Variants in NR3C1 observed in about 807,000 individuals in gnomAD.
NR3C1 encodes the protein glucocorticoid receptor.
In NR3C1, 14 loss-of-function variants were observed where a neutral mutation model predicts 74.0. That is an observed-to-expected ratio of 0.19 (90% CI 0.12 to 0.30). The LOEUF is 0.30. NR3C1 is among the 10% of genes least tolerant of loss of function. The pLI is 1.00. For missense variants in NR3C1, 695 were observed against 909.8 expected, an observed-to-expected ratio of 0.76 and a Z score of 3.04; for synonymous variants, 308 against 332.5, an observed-to-expected ratio of 0.93 and a Z score of 0.80.
chr5:143,374,310 G>A (rs889434744), intron 2 of NR3C1, among the ~76,000 whole-genome samples: 1 of 152,110 alleles, frequency 6.6e-6, no homozygotes. Context: ...GGCTAACACA[G>A]TGAAACCCCG....
In NR3C1 at chr5:143,400,669, C is replaced by A; in HGVS notation, c.171G>T (p.Lys57Asn). ...GAAAATCAACCAAAAGTCTTCGCTGCTTGGAGTCTGATTGAGAAGCGACAG... is the reference window on the plus strand; with the variant it reads ...GAAAATCAACCAAAAGTCTTCGCTGATTGGAGTCTGATTGAGAAGCGACAG... ...SLAVASQSDS[K>N]QRRLLVDFPK... The change falls in exon 2 of 9, where the codon AAG becomes AAT. Residue 57 changes from lysine to asparagine, a missense_variant. Transcript: ENST00000394464. The A allele has an allele frequency of 6.2e-7, 1 of 1,614,030 alleles. No homozygotes were observed. Among genetic ancestry groups the A allele is most frequent in the South Asian group, 1.1e-5 (1 of 91,090 alleles).
rs545183865 is a variant in NR3C1, at chr5:143,339,969, G to C, written c.1185-25801C>G. ...GAAGACAATGAAAATTCAAGAGAAA[G>C]ATAATGAAGACATAATGACTAGAAT... is the stretch of plus-strand genomic sequence containing the variant. On this transcript the variant is annotated intron_variant, in intron 2 of 8. Transcript: ENST00000394464. Among the ~76,000 whole-genome samples the C allele has an allele frequency of 3.9e-5, 6 of 152,272 alleles. No individual in the cohort carries two copies. The East Asian group carries it at 1.2e-3, about 29-fold the overall frequency.
intron 2 of NR3C1, among the ~76,000 whole-genome samples, chr5:143,381,812 A>G (rs192156142): frequency 6.6e-5 from 10 of 152,340 alleles, no homozygotes; most frequent in Non-Finnish European, 1.5e-4. Context: ...CTAAGACCTG[A>G]AACTAGGATA....
rs561038380 is a variant in NR3C1, at chr5:143,333,749, A to C, written c.1185-19581T>G. 5.4e-4 allele frequency among the ~76,000 whole-genome samples: 82 copies of C among 152,258 alleles called. 1 individual carries two copies. The highest frequency in any genetic ancestry group is 3.4e-3 in the Middle Eastern group (1 of 294). ...CGCCAGTGCACTCCAGCTGGGCGAC[A>C]GAGCGAGACTCCATCTCAAAAAACA... is the stretch of plus-strand genomic sequence containing the variant. On this transcript the variant is annotated intron_variant, in intron 2 of 8. Coordinates refer to ENST00000394464, the MANE Select transcript of NR3C1 (RefSeq NM_000176.3).
intron 1 of NR3C1, among the ~76,000 whole-genome samples, chr5:143,414,390 G>T (rs1296441763): frequency 1.3e-5 from 2 of 152,180 alleles, no homozygotes; most frequent in African/African-American, 2.4e-5. Flanking sequence ...CACTGGGCAG[G>T]CAGGAAGCCA....
intron 2 of NR3C1, among the ~76,000 whole-genome samples, chr5:143,371,427 T>C (rs542347131): frequency 1.3e-5 from 2 of 152,404 alleles, no homozygotes; most frequent in African/African-American, 2.4e-5. Flanking sequence ...TCTTTTCTGT[T>C]GCTCCAGCAG....
chr5:143,379,213 C>T (rs1835755906), intron 2 of NR3C1, among the ~76,000 whole-genome samples: 1 of 152,148 alleles, frequency 6.6e-6, no homozygotes, highest in Non-Finnish European at 1.5e-5. Context: ...AGTGTGGGAG[C>T]CAGGTTTGCA....
At chr5:143,336,838 G>A (rs765405022) in intron 2 of NR3C1, among the ~76,000 whole-genome samples, 2 of 151,532 alleles carry the variant, frequency 1.3e-5, no homozygotes, top group Admixed American at 6.6e-5. Flanking sequence ...AAAAATTAGC[G>A]GGTATGGTGG....
At chr5:143,369,272 GA>G (rs1177153076) in intron 2 of NR3C1, among the ~76,000 whole-genome samples, 6 of 152,196 alleles carry the variant, frequency 3.9e-5, no homozygotes, top group Non-Finnish European at 8.8e-5. Flanking sequence ...AGCCACTGTA[GA>G]AAAATGTTTG....
intron 7 of NR3C1, chr5:143,293,794 C>T (rs1242054945): frequency 1.5e-5 from 11 of 710,318 alleles, no homozygotes; most frequent in Non-Finnish European, 1.9e-5. Context: ...AAGAAGAACT[C>T]GTGATATTAT....
chr5:143,408,611 TC>T (rs1466454089), upstream of NR3C1, among the ~76,000 whole-genome samples: 2 of 152,156 alleles, frequency 1.3e-5, no homozygotes, highest in Non-Finnish European at 2.9e-5. Context: ...AATAGGAAAT[TC>T]ATTTTTTGTT....
intron 2 of NR3C1, among the ~76,000 whole-genome samples, chr5:143,371,033 A>T (rs1247073832): frequency 2.6e-5 from 4 of 152,190 alleles, no homozygotes; most frequent in African/African-American, 9.7e-5. Flanking sequence ...AAAGTATAGA[A>T]ATATACTAAA....
intron 6 of NR3C1, among the ~76,000 whole-genome samples, chr5:143,296,409 A>G (rs911057194): frequency 6.6e-6 from 1 of 152,150 alleles, no homozygotes; most frequent in Admixed American, 6.5e-5. Flanking sequence ...ATATGCTGCC[A>G]AAGTGATCAG....
At chr5:143,356,236 G>A (rs1179651064) in intron 2 of NR3C1, among the ~76,000 whole-genome samples, 1 of 152,042 alleles carries the variant, frequency 6.6e-6, no homozygotes. Context: ...AATTTTTAAA[G>A]GACACAATAT....
At chr5:143,361,583 G>C (rs1484386054) in intron 2 of NR3C1, among the ~76,000 whole-genome samples, 4 of 152,122 alleles carry the variant, frequency 2.6e-5, no homozygotes, top group South Asian at 2.1e-4. Flanking sequence ...TGAGTAGTTA[G>C]GAAAACACTA....
At position 143,336,500 on chromosome 5, in the gene NR3C1, G is replaced by GA. The variant is rs889957547; in HGVS notation, c.1185-22333dup. Among the ~76,000 whole-genome samples, 5 of 152,036 alleles carry GA rather than the reference G, an allele frequency of 3.3e-5. No individual in the cohort carries two copies. In the South Asian group the frequency reaches 6.2e-4, roughly 19 times the overall value. ...AGCTAAGAAGCAACCTAATTATTAT[G>GA]AAAAAAAATTCTGAAAGGCTCAAAA... On this transcript the variant is annotated intron_variant, in intron 2 of 8. Transcript: ENST00000394464.
intron 1 of NR3C1, among the ~76,000 whole-genome samples, chr5:143,401,937 A>C (rs1234702575): frequency 3.3e-5 from 5 of 152,218 alleles, no homozygotes; most frequent in Admixed American, 6.5e-5. Context: ...GTATATCGTT[A>C]ATCAGGGTGT....
intron 2 of NR3C1, among the ~76,000 whole-genome samples, chr5:143,338,963 T>A (rs1472340556): frequency 6.6e-6 from 1 of 152,186 alleles, no homozygotes; most frequent in African/African-American, 2.4e-5. Context: ...CTTTTCTATG[T>A]TTAGATACAT....
rs987950665 is a variant in NR3C1, at chr5:143,403,321, T to A, written c.-124A>T. 1.0e-6 allele frequency: 1 copy of A among 985,230 alleles called. No individual in the cohort carries two copies. The allele number at this position is 985,230 out of a possible 1,614,324, so 61.0% of individuals were successfully genotyped here. A position where few individuals can be genotyped will look rare whatever the true frequency, so the allele number is the denominator to read the frequency against. On this transcript the variant is annotated 5_prime_UTR_variant, in exon 1 of 9. Transcript: ENST00000394464. ...AGCAGGAGGGAAATATATTTTTTTT[T>A]TCTAAAAAAAGGAAGTAAACAGCCG...
Sources: allele counts gnomAD v4.1 joint callset (sites outside exome capture counted in the v4.1 genomes callset), GRCh38; gene constraint gnomAD v4.1.1; transcripts MANE v1.5; gene names NCBI Gene and HGNC (gene_info 2026-07-23, HGNC 2026-07-21).